Variants in WIF1 observed in about 807,000 individuals in gnomAD.
The protein encoded by WIF1 is Wnt inhibitory factor 1.
Under a neutral mutation model 53.5 loss-of-function variants are expected in WIF1, and 35 were observed. The observed-to-expected ratio is 0.65, with a 90% confidence interval of 0.50 to 0.87. The LOEUF (loss-of-function observed/expected upper bound fraction) is 0.87, where lower values mean the gene tolerates loss of function less well. WIF1 is among the 40% of genes least tolerant of loss of function. The pLI, the probability that WIF1 is intolerant of heterozygous loss-of-function variation, is 0.00. For synonymous variants in WIF1, 171 were observed against 170.4 expected, an observed-to-expected ratio of 1.00 and a Z score of -0.03; for missense variants, 467 against 476.8, an observed-to-expected ratio of 0.98 and a Z score of 0.19.
intron 2 of WIF1, among the ~76,000 whole-genome samples, chr12:65,117,462 A>T (rs962819931): frequency 5.3e-5 from 8 of 152,080 alleles, no homozygotes; most frequent in Non-Finnish European, 1.2e-4. Context: ...CACCAAGAAC[A>T]CTTTGGATTA....
At chr12:65,056,365 CCTTTTTTTTTTTTT>C (rs1882526448) in intron 7 of WIF1, among the ~76,000 whole-genome samples, 1 of 41,012 alleles carries the variant, frequency 2.4e-5, no homozygotes, top group Non-Finnish European at 5.3e-5. Flanking sequence ...GCATTTATAT[CCTTTTTTTTTTTTT>C]TTTTTTTTTT....
chr12:65,093,640 G>A (rs979935222), intron 2 of WIF1, among the ~76,000 whole-genome samples: 1 of 151,992 alleles, frequency 6.6e-6, no homozygotes, highest in African/African-American at 2.4e-5. Context: ...AGACACTATA[G>A]TTAGTCAAGC....
intron 6 of WIF1, among the ~76,000 whole-genome samples, chr12:65,066,218 T>G (rs532140634): frequency 1.3e-5 from 2 of 152,186 alleles, no homozygotes; most frequent in African/African-American, 4.8e-5. Context: ...TTCCTACCTA[T>G]GGAATAGGTG....
At chr12:65,056,262 T>A in intron 7 of WIF1, 136 bp from the exon 8 acceptor site, 1 of 684,448 alleles carries the variant, frequency 1.5e-6, no homozygotes, top group Non-Finnish European at 2.3e-6. Context: ...TCAGATCTAC[T>A]CTGGCTTTTT....
chr12:65,113,926 C>A (rs753951407), intron 2 of WIF1, among the ~76,000 whole-genome samples: 6 of 152,118 alleles, frequency 3.9e-5, no homozygotes, highest in Non-Finnish European at 7.3e-5. Flanking sequence ...CATTTGGTGA[C>A]ATAAAACCAC....
intron 2 of WIF1, among the ~76,000 whole-genome samples, chr12:65,088,146 A>G (rs1346187778): frequency 6.6e-6 from 1 of 152,158 alleles, no homozygotes; most frequent in East Asian, 1.9e-4. Context: ...CTAAATCTAT[A>G]TGGCCAACTT....
chr12:65,112,284 AT>A (rs763804888), intron 2 of WIF1, among the ~76,000 whole-genome samples: 6 of 152,024 alleles, frequency 3.9e-5, no homozygotes, highest in Admixed American at 6.6e-5. Context: ...TTAACATATT[AT>A]TTTCCTTATT....
At chr12:65,064,588 A>T (rs549430475) in intron 6 of WIF1, among the ~76,000 whole-genome samples, 7 of 148,504 alleles carry the variant, frequency 4.7e-5, no homozygotes, top group Admixed American at 6.7e-5. Flanking sequence ...TGAGGTAGAA[A>T]TTTTTTTTTT....
chr12:65,075,388 T>C lies in WIF1; in HGVS notation c.397+2358A>G, dbSNP rs78822875. ...GATTTTTACTTGACATCTGACAAAA[T>C]TTATTTTCACGTTCCTCTAGAAGAA... On this transcript the variant is annotated intron_variant, in intron 3 of 9. Transcript: ENST00000286574. 6.8e-3 allele frequency among the ~76,000 whole-genome samples: 1,036 copies of C among 152,342 alleles called. 39 individuals carry two copies. Among genetic ancestry groups the C allele is most frequent in the Admixed American group, 0.056 (857 of 15,306 alleles).
chr12:65,104,668 A>C (rs1240505669), intron 2 of WIF1, among the ~76,000 whole-genome samples: 1 of 152,190 alleles, frequency 6.6e-6, no homozygotes, highest in Non-Finnish European at 1.5e-5. Flanking sequence ...AGCAATACTT[A>C]ATAAGCATTA....
At chr12:65,103,384 T>C (rs1489527700) in intron 2 of WIF1, among the ~76,000 whole-genome samples, 1 of 152,222 alleles carries the variant, frequency 6.6e-6, no homozygotes, top group African/African-American at 2.4e-5. Flanking sequence ...TAGAACAATG[T>C]CTTACTTGAA....
intron 3 of WIF1, among the ~76,000 whole-genome samples, chr12:65,076,559 G>A (rs990953296): frequency 2.6e-5 from 4 of 152,074 alleles, no homozygotes; most frequent in African/African-American, 4.8e-5. Context: ...TTTAGGAATC[G>A]ATTTTAACAA....
intron 4 of WIF1, 110 bp downstream of exon 4, chr12:65,068,648 CATGTGT>C (rs1460509722): frequency 6.1e-5 from 67 of 1,103,248 alleles, no homozygotes; most frequent in Admixed American, 2.0e-4. Flanking sequence ...TCCAAAAAAC[CATGTGT>C]GTGTGTGTGT....
intron 2 of WIF1, among the ~76,000 whole-genome samples, chr12:65,119,735 T>G (rs1311932810): frequency 3.3e-5 from 5 of 152,194 alleles, no homozygotes; most frequent in African/African-American, 1.2e-4. Context: ...ATTCTTTCTT[T>G]CTAAAATTAG....
chr12:65,071,530 A>G (rs1416346369), intron 3 of WIF1, among the ~76,000 whole-genome samples: 3 of 152,200 alleles, frequency 2.0e-5, no homozygotes, highest in Non-Finnish European at 4.4e-5. Flanking sequence ...GTTATATTCA[A>G]TTACTGTTAT....
At chr12:65,069,006 T>G in intron 3 of WIF1, 102 bp from the exon 4 acceptor site, 1 of 1,304,898 alleles carries the variant, frequency 7.7e-7, no homozygotes, top group Non-Finnish European at 1.0e-6. Context: ...AGCAAAAATG[T>G]TCACATGTTG....
chr12:65,097,948 G>C (rs1883229206), intron 2 of WIF1, among the ~76,000 whole-genome samples: 1 of 152,182 alleles, frequency 6.6e-6, no homozygotes, highest in Admixed American at 6.6e-5. Flanking sequence ...AAGTGAGGAA[G>C]AGAGGAATTG....
chr12:65,078,265 G>C (rs1201634684), intron 2 of WIF1, among the ~76,000 whole-genome samples: 3 of 152,260 alleles, frequency 2.0e-5, no homozygotes, highest in East Asian at 1.9e-4. Context: ...TTTTAGTAGA[G>C]ACAGGGTTTC....
chr12:65,060,625 G>C (rs1461394443), intron 7 of WIF1, among the ~76,000 whole-genome samples: 1 of 152,196 alleles, frequency 6.6e-6, no homozygotes, highest in East Asian at 1.9e-4. Flanking sequence ...TGATAGAGGT[G>C]ATGGCTACAC....
Sources: allele counts gnomAD v4.1 joint callset (sites outside exome capture counted in the v4.1 genomes callset), GRCh38; gene constraint gnomAD v4.1.1; transcripts MANE v1.5; gene names NCBI Gene and HGNC (gene_info 2026-07-23, HGNC 2026-07-21).